PCDHGA5: variants seen among roughly 807,000 people sequenced by gnomAD.
The protein encoded by PCDHGA5 is protocadherin gamma-A5.
PCDHGA5 carries 36 observed loss-of-function variants against 56.7 expected under a neutral mutation model. That is an observed-to-expected ratio of 0.64 (90% CI 0.49 to 0.84). The LOEUF (loss-of-function observed/expected upper bound fraction) is 0.84, where lower values mean the gene tolerates loss of function less well. PCDHGA5 is among the 40% of genes least tolerant of loss of function. The pLI is 0.00. For missense variants in PCDHGA5, 1,305 were observed against 1,201.5 expected (o/e 1.09, Z -1.27); for synonymous variants, 563 against 520.2 (o/e 1.08, Z -1.12).
At chr5:141,410,662 C>T (rs770245568) in intron 1 of PCDHGA5, 1 of 1,572,090 alleles carries the variant, frequency 6.4e-7, no homozygotes, top group Admixed American at 1.9e-5. Context: ...TAATAGTCTA[C>T]TAGTTTCTCA....
At chr5:141,374,860 A>C in intron 1 of PCDHGA5, 1 of 1,613,772 alleles carries the variant, frequency 6.2e-7, no homozygotes, top group East Asian at 2.2e-5. Context: ...CAGTAGGCAC[A>C]CCAGTGTTGG....
At position 141,489,861 on chromosome 5, in the gene PCDHGA5, A is replaced by G. The variant is rs1221756350; in HGVS notation, c.2422-4946A>G. The G allele has an allele frequency of 1.2e-5, 19 of 1,614,058 alleles. No individual in the cohort carries two copies. Among genetic ancestry groups the G allele is most frequent in the Non-Finnish European group, 1.5e-5 (18 of 1,179,998 alleles). On this transcript the variant is annotated intron_variant, in intron 1 of 3. Transcript: ENST00000518069. The surrounding 1 kb of genome is among the most constrained non-coding windows in gnomAD (Gnocchi z 4.5). ...AGCTGGATCGTGAAGCCCAGGCAAGACATCAGCTGGTGCTTACTGCTGTGG... is the reference window on the plus strand; with the variant it reads ...AGCTGGATCGTGAAGCCCAGGCAAGGCATCAGCTGGTGCTTACTGCTGTGG...
chr5:141,383,900 T>C (rs766644204), intron 1 of PCDHGA5: 6 of 1,613,976 alleles, frequency 3.7e-6, no homozygotes, highest in Non-Finnish European at 5.1e-6. Context: ...GCAAAAGTAC[T>C]GATCACAGTT....
intron 1 of PCDHGA5, among the ~76,000 whole-genome samples, chr5:141,450,564 G>A (rs1397334260): frequency 2.0e-5 from 3 of 151,932 alleles, no homozygotes; most frequent in African/African-American, 7.3e-5. Context: ...TCGGCTCACT[G>A]CAACTTCTGC....
chr5:141,376,165 G>T (rs181247360), intron 1 of PCDHGA5: 1 of 1,614,018 alleles, frequency 6.2e-7, no homozygotes, highest in African/African-American at 1.3e-5. Context: ...TGTACCTGGT[G>T]GTGGCGGTGG....
At position 141,490,076 on chromosome 5, in the gene PCDHGA5, A is replaced by G. The variant is rs1025569516; in HGVS notation, c.2422-4731A>G. 2.5e-6 allele frequency: 4 copies of G among 1,614,240 alleles called. No homozygotes were observed. The highest frequency in any genetic ancestry group is 1.3e-5 in the African/African-American group (1 of 75,070). Reference sequence around the variant, plus strand: ...GAGGGCACCAACGGCCAACTAGACTATTCTTTTGGAGACCACACATCTGAG... The same window carrying G: ...GAGGGCACCAACGGCCAACTAGACTGTTCTTTTGGAGACCACACATCTGAG... On this transcript the variant is annotated intron_variant, in intron 1 of 3. Coordinates refer to ENST00000518069, the MANE Select transcript of PCDHGA5 (RefSeq NM_018918.3). The surrounding 1 kb of genome is among the most constrained non-coding windows in gnomAD (Gnocchi z 5.4).
intron 1 of PCDHGA5, chr5:141,424,527 A>G (rs1164206187): frequency 1.3e-5 from 2 of 152,214 alleles, no homozygotes; most frequent in African/African-American, 2.4e-5. Flanking sequence ...GTAAATCCAT[A>G]TATAGAAATA....
chr5:141,472,980 C>CAAAAAAAAAAAAAAAAAAAAAAA (rs60579131), intron 1 of PCDHGA5, among the ~76,000 whole-genome samples: 6 of 86,066 alleles, frequency 7.0e-5, no homozygotes, highest in Non-Finnish European at 1.0e-4. Context: ...GAGTGAAACT[C>CAAAAAAAAAAAAAAAAAAAAAAA]AAAAAAAAAA....
At chr5:141,459,606 T>G (rs1430790771) in intron 1 of PCDHGA5, among the ~76,000 whole-genome samples, 1 of 152,250 alleles carries the variant, frequency 6.6e-6, no homozygotes, top group Non-Finnish European at 1.5e-5. Context: ...GGGAAGTATA[T>G]GCTTAACTTT....
intron 1 of PCDHGA5, among the ~76,000 whole-genome samples, chr5:141,454,628 A>C (rs1008375225): frequency 1.3e-4 from 19 of 151,334 alleles, no homozygotes; most frequent in African/African-American, 4.4e-4. Context: ...CTGGTCTCGA[A>C]CCCCCAACCT....
chr5:141,423,150 G>A, intron 1 of PCDHGA5: 1 of 1,613,538 alleles, frequency 6.2e-7, no homozygotes, highest in Non-Finnish European at 8.5e-7. Flanking sequence ...CGCTCAAGCA[G>A]AGCCTCGTGG....
At chr5:141,418,407 A>C (rs1165583519) in intron 1 of PCDHGA5, 1 of 1,613,926 alleles carries the variant, frequency 6.2e-7, no homozygotes, top group Non-Finnish European at 8.5e-7. Flanking sequence ...TTGGTGGAGA[A>C]AGACAATCCT....
intron 1 of PCDHGA5, chr5:141,428,275 G>A (rs566455986): frequency 6.5e-6 from 5 of 767,218 alleles, no homozygotes; most frequent in African/African-American, 3.4e-5. Context: ...TGTGCCCTCT[G>A]ATTCCCAAGC....
Position 141,417,842 on chromosome 5 carries a change from C to A in PCDHGA5, c.2421+51091C>A, listed in dbSNP as rs1247720013. 3 of 1,537,164 alleles carry A rather than the reference C, an allele frequency of 2.0e-6. No homozygotes were observed. The South Asian group carries it at 3.6e-5, about 19-fold the overall frequency. Reference sequence around the variant, plus strand: ...TCCAACTGGAAAAGCGGGGACCCAGCGAGAACCCGAGCGAACGATGGGAGG... The same window carrying A: ...TCCAACTGGAAAAGCGGGGACCCAGAGAGAACCCGAGCGAACGATGGGAGG... On this transcript the variant is annotated intron_variant, in intron 1 of 3. Transcript: ENST00000518069.
intron 1 of PCDHGA5, among the ~76,000 whole-genome samples, chr5:141,454,796 ATTTTTTTTTTTTT>A (rs61612330): frequency 7.8e-5 from 6 of 77,408 alleles, no homozygotes; most frequent in African/African-American, 1.2e-4. Flanking sequence ...CATGGTTCTA[ATTTTTTTTTTTTT>A]TTTTTTTTTT....
chr5:141,418,064 A>T, intron 1 of PCDHGA5: 1 of 1,614,006 alleles, frequency 6.2e-7, no homozygotes, highest in Non-Finnish European at 8.5e-7. Flanking sequence ...GCTGCGAGTG[A>T]GCGCGGAGAA....
intron 1 of PCDHGA5, among the ~76,000 whole-genome samples, chr5:141,458,112 A>C (rs2098937913): frequency 6.6e-6 from 1 of 152,208 alleles, no homozygotes; most frequent in Non-Finnish European, 1.5e-5. Context: ...ATAGTCTCCA[A>C]ATTTTAGAGG....
At chr5:141,497,201 G>A (rs1190666375) in intron 2 of PCDHGA5, among the ~76,000 whole-genome samples, 1 of 93,734 alleles carries the variant, frequency 1.1e-5, no homozygotes, top group African/African-American at 8.6e-5. Flanking sequence ...AGAACAATGT[G>A]AGTGTAATGG....
intron 1 of PCDHGA5, chr5:141,370,134 T>G: frequency 2.5e-6 from 1 of 405,930 alleles, no homozygotes; most frequent in Non-Finnish European, 4.3e-6. Context: ...TTGGAGCTGA[T>G]TTAGTCACCA....
Sources: gnomAD v4.1 joint callset for allele counts (sites outside exome capture counted in the v4.1 genomes callset) on GRCh38, gnomAD v4.1.1 for gene constraint, Gnocchi (gnomAD v3.1) non-coding constraint, MANE v1.5 for transcripts, NCBI Gene and HGNC (gene_info 2026-07-23, HGNC 2026-07-21) for gene names.